AOPEP: variants seen among roughly 807,000 people sequenced by gnomAD.
The protein encoded by AOPEP is aminopeptidase O (putative), also known as aminopeptidase O.
AOPEP carries 77 observed loss-of-function variants against 98.1 expected under a neutral mutation model. That is an observed-to-expected ratio of 0.78 (90% CI 0.65 to 0.95). The LOEUF is 0.95. Ranked by LOEUF, AOPEP falls within the 40% of genes least tolerant of loss-of-function variation. The pLI is 0.00. For synonymous variants in AOPEP, 346 were observed against 365.3 expected (o/e 0.95, Z 0.60); for missense variants, 1,024 against 1,024.7 (o/e 1.00, Z 0.01).
At chr9:95,023,045 G>A (rs904585330) in intron 13 of AOPEP, among the ~76,000 whole-genome samples, 53 of 152,216 alleles carry the variant, frequency 3.5e-4, no homozygotes, top group Admixed American at 5.9e-4. Context: ...GCTTTTTCAC[G>A]CTGGACCGAC....
At chr9:95,080,979 T>A in intron 15 of AOPEP, 199 bp downstream of exon 15, 1 of 576,836 alleles carries the variant, frequency 1.7e-6, no homozygotes, top group Non-Finnish European at 3.1e-6. Context: ...AAGGATTGAG[T>A]TGAGCACCTT....
At chr9:94,821,901 C>G (rs2134207422) in intron 5 of AOPEP, among the ~76,000 whole-genome samples, 1 of 151,196 alleles carries the variant, frequency 6.6e-6, no homozygotes, top group Admixed American at 6.6e-5. Flanking sequence ...TTTTGTATTT[C>G]TAAAAGGCAA....
At chr9:94,807,800 C>T (rs1849557616) in intron 5 of AOPEP, among the ~76,000 whole-genome samples, 1 of 152,178 alleles carries the variant, frequency 6.6e-6, no homozygotes, top group Non-Finnish European at 1.5e-5. Flanking sequence ...GGTCATGGAG[C>T]TATGTAAGTA....
chr9:95,087,936 G>A (rs537439139), downstream of AOPEP, among the ~76,000 whole-genome samples: 1 of 152,328 alleles, frequency 6.6e-6, no homozygotes, highest in South Asian at 2.1e-4. Context: ...TTGGGGTGAA[G>A]TGGGGCTCTA....
chr9:94,740,742 G>T (rs971940733), intron 1 of AOPEP, among the ~76,000 whole-genome samples: 2 of 152,208 alleles, frequency 1.3e-5, no homozygotes, highest in African/African-American at 2.4e-5. Context: ...GAGGGCAGTG[G>T]TTCAGAGGCT....
chr9:94,901,595 G>A (rs1045694445), intron 5 of AOPEP, among the ~76,000 whole-genome samples: 3 of 152,020 alleles, frequency 2.0e-5, no homozygotes, highest in Admixed American at 6.6e-5. Flanking sequence ...AAAACACCTC[G>A]CATCTTCAAC....
At chr9:94,769,338 A>G (rs1199905566) in intron 2 of AOPEP, among the ~76,000 whole-genome samples, 1 of 152,164 alleles carries the variant, frequency 6.6e-6, no homozygotes, top group Non-Finnish European at 1.5e-5. Context: ...GCAAAAAGCC[A>G]TTGGTTATAA....
At chr9:94,915,167 G>A (rs1304011564) in intron 5 of AOPEP, among the ~76,000 whole-genome samples, 4 of 152,154 alleles carry the variant, frequency 2.6e-5, no homozygotes, top group East Asian at 1.9e-4. Flanking sequence ...AAATAGGCAC[G>A]ATAATAATTT....
intron 7 of AOPEP, among the ~76,000 whole-genome samples, chr9:94,940,000 A>G (rs1047647614): frequency 2.0e-5 from 3 of 152,244 alleles, no homozygotes; most frequent in South Asian, 4.1e-4. Flanking sequence ...CTTGGGTCCC[A>G]TCCCCAAGAT....
chr9:95,141,286 TG>T, the AOPEP span, among the ~76,000 whole-genome samples: 1 of 116,740 alleles, frequency 8.6e-6, no homozygotes, highest in East Asian at 2.8e-4. Flanking sequence ...CACTCTAGCC[TG>T]GGTGACAGAG....
the AOPEP span, among the ~76,000 whole-genome samples, chr9:95,117,787 G>A: frequency 2.0e-5 from 3 of 147,760 alleles, no homozygotes; most frequent in Non-Finnish European, 4.5e-5. Flanking sequence ...GCAATGGCGC[G>A]ATCTCAGCTC....
At chr9:95,112,493 G>GTTC in the AOPEP span, among the ~76,000 whole-genome samples, 1 of 152,298 alleles carries the variant, frequency 6.6e-6, no homozygotes, top group African/African-American at 2.4e-5. Context: ...GTGGTTAAAT[G>GTTC]TTCTACATTT....
chr9:94,793,104 G>A (rs1386664811), intron 4 of AOPEP, among the ~76,000 whole-genome samples, 186 bp downstream of exon 4: 2 of 152,206 alleles, frequency 1.3e-5, no homozygotes, highest in African/African-American at 2.4e-5. Flanking sequence ...AGTGGCTCAC[G>A]CCTGTAATCC....
chr9:95,091,523 G>A (rs2070866831), downstream of AOPEP, among the ~76,000 whole-genome samples: 1 of 152,166 alleles, frequency 6.6e-6, no homozygotes, highest in African/African-American at 2.4e-5. Flanking sequence ...CACGGAGACG[G>A]TGGCCACCCA....
chr9:94,956,068 A>C, intron 9 of AOPEP, 53 bp downstream of exon 9: 1 of 1,043,672 alleles, frequency 9.6e-7, no homozygotes, highest in Non-Finnish European at 1.5e-6. Flanking sequence ...GGGGTATGGC[A>C]CATGAAGATT....
chr9:94,743,619 T>C (rs1833774575), intron 1 of AOPEP, among the ~76,000 whole-genome samples: 1 of 152,098 alleles, frequency 6.6e-6, no homozygotes, highest in Non-Finnish European at 1.5e-5. Flanking sequence ...CATGAGCAAC[T>C]CAAAAGGCTT....
intron 10 of AOPEP, among the ~76,000 whole-genome samples, chr9:94,968,060 C>T (rs557567587): frequency 2.1e-4 from 32 of 152,194 alleles, no homozygotes; most frequent in African/African-American, 6.7e-4. Context: ...GCAAGCCAAG[C>T]GCAATCTGTG....
intron 5 of AOPEP, among the ~76,000 whole-genome samples, chr9:94,913,079 C>T (rs1367183018): frequency 6.6e-6 from 1 of 152,202 alleles, no homozygotes; most frequent in African/African-American, 2.4e-5. Context: ...CATGGGCAGG[C>T]AGAATTCTTT....
chr9:94,943,446 T>A (rs2057241012), intron 7 of AOPEP, among the ~76,000 whole-genome samples: 1 of 149,256 alleles, frequency 6.7e-6, no homozygotes, highest in Non-Finnish European at 1.5e-5. Context: ...ACACAAAAAT[T>A]ATCCAGGTGT....
Sources: gnomAD v4.1 joint callset for allele counts (sites outside exome capture counted in the v4.1 genomes callset) on GRCh38, gnomAD v4.1.1 for gene constraint, MANE v1.5 for transcripts, NCBI Gene and HGNC (gene_info 2026-07-23, HGNC 2026-07-21) for gene names.